EREG: variants seen among roughly 807,000 people sequenced by gnomAD.
EREG encodes the protein epiregulin, also known as proepiregulin.
EREG carries 23 observed loss-of-function variants against 22.4 expected under a neutral mutation model. That is an observed-to-expected ratio of 1.03 (90% CI 0.74 to 1.46). The LOEUF is 1.46. Among genes scored for constraint, EREG ranks in the 40% most tolerant of loss-of-function variants. The pLI, the probability that EREG is intolerant of heterozygous loss-of-function variation, is 0.00. For missense variants in EREG, 226 were observed against 205.9 expected (o/e 1.10, Z -0.60); for synonymous variants, 100 against 75.4 (o/e 1.33, Z -1.69).
intron 3 of EREG, chr4:74,382,103 C>T (rs1249063700): frequency 6.6e-6 from 1 of 151,422 alleles, no homozygotes; most frequent in African/African-American, 2.4e-5. Flanking sequence ...TCAGGAGTTC[C>T]TGACCAGCCT....
intron 1 of EREG, among the ~76,000 whole-genome samples, chr4:74,374,119 C>T (rs576519597): frequency 1.3e-5 from 2 of 152,306 alleles, no homozygotes; most frequent in African/African-American, 4.8e-5. Flanking sequence ...TGGACAAATG[C>T]TATGATTCTG....
At chr4:74,379,918 C>T (rs918220377) in intron 2 of EREG, among the ~76,000 whole-genome samples, 1 of 152,158 alleles carries the variant, frequency 6.6e-6, no homozygotes, top group African/African-American at 2.4e-5. Context: ...TCTCTTTCTA[C>T]CCCTCTCTCT....
intron 4 of EREG, among the ~76,000 whole-genome samples, chr4:74,383,292 T>C (rs535085488): frequency 1.3e-5 from 2 of 152,338 alleles, no homozygotes; most frequent in African/African-American, 4.8e-5. Context: ...CTGTTATAGT[T>C]AACCACCTGA....
chr4:74,365,883 C>A (rs1439966148), intron 1 of EREG, among the ~76,000 whole-genome samples: 1 of 152,080 alleles, frequency 6.6e-6, no homozygotes, highest in Non-Finnish European at 1.5e-5. Flanking sequence ...TGGTATGCGC[C>A]AGTGCCAGTT....
At position 74,388,263 on chromosome 4, in the gene EREG, C is replaced by A. The variant is rs1752605564; in HGVS notation, c.*3455C>A. On this transcript the variant is annotated 3_prime_UTR_variant, in exon 5 of 5. Coordinates refer to ENST00000244869, the MANE Select transcript of EREG (RefSeq NM_001432.3). Reference sequence around the variant, plus strand: ...GAAAAAAAAGTTTTTAATTTGATGCCCAATATATTCTGACCGTTAAAAAAT... The same window carrying A: ...GAAAAAAAAGTTTTTAATTTGATGCACAATATATTCTGACCGTTAAAAAAT... The A allele has an allele frequency of 6.6e-6, 1 of 151,872 alleles. No homozygotes were observed. The highest frequency in any genetic ancestry group is 1.5e-5 in the Non-Finnish European group (1 of 67,960). The allele number at this position is 151,872 out of a possible 1,614,324, so 9.4% of individuals were successfully genotyped here. A position where few individuals can be genotyped will look rare whatever the true frequency, so the allele number is the denominator to read the frequency against.
rs1233457554 is a variant in EREG, at chr4:74,385,091, C to A, written c.*283C>A. ...AGCTTCAAAGTTTATATGCCTGGTG[C>A]ACAGTGCTTAGAAGTAAGCAATTCC... On this transcript the variant is annotated 3_prime_UTR_variant, in exon 5 of 5. Transcript: ENST00000244869. 3.4e-6 allele frequency: 1 copy of A among 292,344 alleles called. No homozygotes were observed. Among genetic ancestry groups the A allele is most frequent in the African/African-American group, 2.2e-5 (1 of 46,148 alleles). 18.1% of individuals were successfully genotyped at this position (292,344 alleles called of 1,614,324 possible). A position where few individuals can be genotyped will look rare whatever the true frequency, so the allele number is the denominator to read the frequency against.
intron 1 of EREG, among the ~76,000 whole-genome samples, chr4:74,378,517 T>C (rs1179478414): frequency 6.6e-6 from 1 of 152,176 alleles, no homozygotes; most frequent in Non-Finnish European, 1.5e-5. Flanking sequence ...CCCAAAGCAA[T>C]TGCAAGCTGA....
At chr4:74,367,596 A>G (rs1312585677) in intron 1 of EREG, among the ~76,000 whole-genome samples, 2 of 152,190 alleles carry the variant, frequency 1.3e-5, no homozygotes, top group African/African-American at 2.4e-5. Context: ...TACTTCATCA[A>G]TGAGAGAGAA....
At position 74,385,095 on chromosome 4, in the gene EREG, G is replaced by T; in HGVS notation, c.*287G>T. On this transcript the variant is annotated 3_prime_UTR_variant, in exon 5 of 5. Transcript: ENST00000244869. The stretch of plus-strand genomic sequence containing the variant: ...TCAAAGTTTATATGCCTGGTGCACA[G>T]TGCTTAGAAGTAAGCAATTCCCAGG... The T allele has an allele frequency of 4.0e-6, 1 of 248,374 alleles. No homozygotes were observed. Among genetic ancestry groups the T allele is most frequent in the Non-Finnish European group, 7.7e-6 (1 of 130,154 alleles). The allele number at this position is 248,374 out of a possible 1,614,324, so 15.4% of individuals were successfully genotyped here. A position where few individuals can be genotyped will look rare whatever the true frequency, so the allele number is the denominator to read the frequency against.
At chr4:74,381,307 C>T (rs950042938) in intron 3 of EREG, 170 bp downstream of exon 3, 1 of 557,918 alleles carries the variant, frequency 1.8e-6, no homozygotes, top group Non-Finnish European at 3.1e-6. Flanking sequence ...TTTTTCATCC[C>T]TTAACCCCCC....
chr4:74,372,059 A>G (rs1438006953), intron 1 of EREG, among the ~76,000 whole-genome samples: 1 of 152,200 alleles, frequency 6.6e-6, no homozygotes, highest in Non-Finnish European at 1.5e-5. Flanking sequence ...TATTTGACAA[A>G]TGTAGTTACT....
intron 4 of EREG, among the ~76,000 whole-genome samples, chr4:74,383,726 T>C (rs1422683339): frequency 3.3e-5 from 5 of 152,212 alleles, no homozygotes; most frequent in Non-Finnish European, 5.9e-5. Flanking sequence ...GGTCTGAAAG[T>C]GTGCTACTTT....
chr4:74,383,241 TATG>T (rs1752510059), intron 4 of EREG, among the ~76,000 whole-genome samples: 1 of 152,194 alleles, frequency 6.6e-6, no homozygotes, highest in African/African-American at 2.4e-5. Flanking sequence ...TAGTATGTAA[TATG>T]ATATTTCATG....
chr4:74,372,890 C>T (rs1332391901), intron 1 of EREG, among the ~76,000 whole-genome samples: 1 of 143,386 alleles, frequency 7.0e-6, no homozygotes, highest in Non-Finnish European at 1.5e-5. Context: ...TCACTGCAAC[C>T]TCTGCTTCCC....
chr4:74,382,052 C>A (rs982771146), intron 3 of EREG: 2 of 147,558 alleles, frequency 1.4e-5, no homozygotes, highest in Non-Finnish European at 3.0e-5. Context: ...ACCCTGTAAC[C>A]CCAGCACTTT....
At chr4:74,382,852 C>A in intron 4 of EREG, 58 bp downstream of exon 4, 2 of 1,280,450 alleles carry the variant, frequency 1.6e-6, no homozygotes, top group Non-Finnish European at 2.2e-6. Flanking sequence ...TAATGCAGAC[C>A]TATAAACTGG....
chr4:74,372,279 C>T (rs1034881514), intron 1 of EREG, among the ~76,000 whole-genome samples: 3 of 152,202 alleles, frequency 2.0e-5, no homozygotes, highest in African/African-American at 7.2e-5. Context: ...TATGTGGGTT[C>T]TCTGAATAAA....
rs554874146 is a variant in EREG at position 74,374,988 on chromosome 4, A to G, written c.68-4460A>G. On this transcript the variant is annotated intron_variant, in intron 1 of 4. Coordinates refer to ENST00000244869, the MANE Select transcript of EREG (RefSeq NM_001432.3). Reference sequence around the variant, plus strand: ...CGCCAACTGCCAATTTTGAGTTTACAGATCATCTGTGTTATATCACCTGGC... The same window carrying G: ...CGCCAACTGCCAATTTTGAGTTTACGGATCATCTGTGTTATATCACCTGGC... Among the ~76,000 whole-genome samples the G allele has an allele frequency of 2.6e-5, 4 of 152,332 alleles. No homozygotes were observed. The South Asian group carries it at 8.3e-4, about 32-fold the overall frequency.
chr4:74,383,736 T>A (rs1752520492), intron 4 of EREG, among the ~76,000 whole-genome samples: 1 of 152,220 alleles, frequency 6.6e-6, no homozygotes, highest in Admixed American at 6.5e-5. Context: ...TGTGCTACTT[T>A]CATAATATTA....
Sources: allele counts gnomAD v4.1 joint callset (sites outside exome capture counted in the v4.1 genomes callset), GRCh38; gene constraint gnomAD v4.1.1; transcripts MANE v1.5; gene names NCBI Gene and HGNC (gene_info 2026-07-23, HGNC 2026-07-21).